LRRFIP1: variants seen among roughly 807,000 people sequenced by gnomAD.
LRRFIP1 encodes LRR binding FLII interacting protein 1.
Under a neutral mutation model 104.4 loss-of-function variants are expected in LRRFIP1, and 62 were observed. That is an observed-to-expected ratio of 0.59 (90% confidence interval 0.48 to 0.73). The LOEUF is 0.73. Among genes scored for constraint, LRRFIP1 ranks in the 30% least tolerant of loss-of-function variants. LRRFIP1 has a pLI of 0.00. For synonymous variants in LRRFIP1, 300 were observed against 299.0 expected, an observed-to-expected ratio of 1.00 and a Z score of -0.03; for missense variants, 796 against 824.5, an observed-to-expected ratio of 0.97 and a Z score of 0.42.
intron 15 of LRRFIP1, 101 bp downstream of exon 15, chr2:237,753,580 G>C: frequency 1.0e-6 from 1 of 989,408 alleles, no homozygotes; most frequent in Non-Finnish European, 1.4e-6. Flanking sequence ...AGGATTACTT[G>C]AGCCCAAGAG....
At chr2:237,759,440 A>T (rs1215701998) in intron 18 of LRRFIP1, among the ~76,000 whole-genome samples, 1 of 152,146 alleles carries the variant, frequency 6.6e-6, no homozygotes, top group Non-Finnish European at 1.5e-5. Flanking sequence ...TAGAGCTAAG[A>T]TTCGTAATTC....
chr2:237,635,843 A>G lies in LRRFIP1; in HGVS notation c.96+8103A>G, dbSNP rs550554317. Among the ~76,000 whole-genome samples the G allele has an allele frequency of 3.3e-5, 5 of 152,212 alleles. No homozygotes were observed. In the East Asian group the frequency reaches 5.8e-4, roughly 18 times the overall value. On this transcript the variant is annotated intron_variant, in intron 1 of 23. Transcript: ENST00000308482. Reference sequence around the variant, plus strand: ...AGTGGGTGTGGTGGCTCATACCTGTAATTCCAACAATTTGGGAGGGCAGTG... The same window carrying G: ...AGTGGGTGTGGTGGCTCATACCTGTGATTCCAACAATTTGGGAGGGCAGTG...
intron 11 of LRRFIP1, among the ~76,000 whole-genome samples, chr2:237,740,158 C>G (rs760150607): frequency 4.0e-5 from 6 of 151,692 alleles, no homozygotes; most frequent in Non-Finnish European, 8.8e-5. Context: ...GTAATCCCAG[C>G]GTCATGGGAG....
chr2:237,738,385 A>C (rs2095316116), intron 10 of LRRFIP1, among the ~76,000 whole-genome samples: 1 of 152,168 alleles, frequency 6.6e-6, no homozygotes, highest in Non-Finnish European at 1.5e-5. Context: ...TGCCCAGCAC[A>C]GTGCAGGGTG....
At chr2:237,724,659 C>G (rs962987379) in intron 7 of LRRFIP1, among the ~76,000 whole-genome samples, 1 of 152,194 alleles carries the variant, frequency 6.6e-6, no homozygotes, top group Non-Finnish European at 1.5e-5. Flanking sequence ...TCCAGCAACT[C>G]TCCTGTTCTT....
chr2:237,755,616 A>G (rs527971129), intron 15 of LRRFIP1, among the ~76,000 whole-genome samples: 18 of 152,246 alleles, frequency 1.2e-4, no homozygotes, highest in Admixed American at 2.0e-4. Flanking sequence ...TATAAAGTCC[A>G]GAGGAATCTG....
At chr2:237,740,510 G>A (rs2095383456) in intron 11 of LRRFIP1, among the ~76,000 whole-genome samples, 1 of 152,112 alleles carries the variant, frequency 6.6e-6, no homozygotes, top group Admixed American at 6.5e-5. Context: ...TCAGCGTGCT[G>A]ATCCCTACAA....
rs927921052 is a variant in LRRFIP1, at chr2:237,703,642, G to T, written c.97-4902G>T. 2.7e-4 allele frequency among the ~76,000 whole-genome samples: 41 copies of T among 151,866 alleles called. No homozygotes were observed. The highest frequency in any genetic ancestry group is 8.7e-4 in the African/African-American group (36 of 41,312). ...TGCCTTCCCCAGCCCCCCGGGGTTG[G>T]GTCAAGTTCTCCAGAGCAGCCCCCG... On this transcript the variant is annotated intron_variant, in intron 1 of 23. Coordinates refer to ENST00000308482, the MANE Select transcript of LRRFIP1 (RefSeq NM_001137550.2). The surrounding 1 kb of genome is among the most constrained non-coding windows in gnomAD (Gnocchi z 4.3).
chr2:237,664,434 G>A (rs1326573016), intron 1 of LRRFIP1, among the ~76,000 whole-genome samples: 2 of 152,214 alleles, frequency 1.3e-5, no homozygotes, highest in Non-Finnish European at 2.9e-5. Flanking sequence ...GTGTGGCAGT[G>A]TGTTCAGCTG....
rs1370816908 is a variant in LRRFIP1 at position 237,719,530 on chromosome 2, G to A, written c.257G>A (p.Ser86Asn). 6.2e-6 allele frequency: 10 copies of A among 1,613,228 alleles called. No individual in the cohort carries two copies. The African/African-American group carries it at 9.3e-5, about 15-fold the overall frequency. The stretch of plus-strand genomic sequence containing the variant: ...CTGTTTCTTCATTGTTAGGAAGACA[G>A]TGAGCGCTACTCTCGTAGATCCAGA... ...WGDIEQWMED[S>N]ERYSRRSRRN... The change falls in exon 5 of 24, where the codon AGT (serine) becomes AAT (asparagine). Residue 86 changes from serine to asparagine, a missense_variant. Coordinates refer to ENST00000308482, the MANE Select transcript of LRRFIP1 (RefSeq NM_001137550.2).
At chr2:237,726,020 C>G (rs760674426) in intron 7 of LRRFIP1, among the ~76,000 whole-genome samples, 1 of 152,152 alleles carries the variant, frequency 6.6e-6, no homozygotes, top group Non-Finnish European at 1.5e-5. Flanking sequence ...AATCTAGTTT[C>G]TGAAGACATA....
At chr2:237,665,072 A>T (rs902609903) in intron 1 of LRRFIP1, among the ~76,000 whole-genome samples, 7 of 152,208 alleles carry the variant, frequency 4.6e-5, no homozygotes, top group Admixed American at 1.3e-4. Flanking sequence ...TTATAATTTT[A>T]CTTATTCATG....
chr2:237,660,733 G>A (rs2149460828), intron 1 of LRRFIP1, among the ~76,000 whole-genome samples: 1 of 152,318 alleles, frequency 6.6e-6, no homozygotes, highest in African/African-American at 2.4e-5. Flanking sequence ...AGTGCCACGA[G>A]CTCCTGTGCA....
intron 2 of LRRFIP1, among the ~76,000 whole-genome samples, chr2:237,709,439 A>G (rs919661599): frequency 2.6e-5 from 4 of 152,084 alleles, no homozygotes; most frequent in Admixed American, 2.0e-4. Context: ...TTTGTTAGAC[A>G]GAAGTAACCA....
In LRRFIP1 at chr2:237,766,905, T is replaced by C. The variant is rs1048230314; in HGVS notation, c.1460-3038T>C. The stretch of plus-strand genomic sequence containing the variant: ...AATGGTTGAGGCCGGGCACATTGGC[T>C]CATGCCTATAATCCCAGCACGTGGG... On this transcript the variant is annotated intron_variant, in intron 19 of 23. Transcript: ENST00000308482. This position sits in a 1 kb window ranked among gnomAD's most constrained non-coding sequence, Gnocchi z 4.8. Among the ~76,000 whole-genome samples, 1 of 152,226 alleles carries C rather than the reference T, an allele frequency of 6.6e-6. No individual in the cohort carries two copies. The highest frequency in any genetic ancestry group is 1.9e-4 in the East Asian group (1 of 5,206).
At chr2:237,677,836 T>C (rs1481027093) in intron 1 of LRRFIP1, among the ~76,000 whole-genome samples, 2 of 152,180 alleles carry the variant, frequency 1.3e-5, no homozygotes, top group Admixed American at 1.3e-4. Context: ...TCCCTCTGCC[T>C]TCCCCCAGAG....
chr2:237,762,139 A>T (rs1279945421), intron 19 of LRRFIP1, among the ~76,000 whole-genome samples: 1 of 152,180 alleles, frequency 6.6e-6, no homozygotes, highest in African/African-American at 2.4e-5. Flanking sequence ...TATTCTTTTT[A>T]AAAATTACTT....
chr2:237,772,515 G>A, intron 21 of LRRFIP1: 1 of 429,824 alleles, frequency 2.3e-6, no homozygotes, highest in Non-Finnish European at 4.1e-6. Flanking sequence ...AAAAATGAAA[G>A]GCTTTTTTCA....
intron 1 of LRRFIP1, among the ~76,000 whole-genome samples, chr2:237,647,122 CT>C (rs1443614069): frequency 6.6e-6 from 1 of 151,982 alleles, no homozygotes; most frequent in Non-Finnish European, 1.5e-5. Flanking sequence ...TTGAATTCTC[CT>C]TTCTCCAATG....
Sources: allele counts gnomAD v4.1 joint callset (sites outside exome capture counted in the v4.1 genomes callset), GRCh38; gene constraint gnomAD v4.1.1; non-coding constraint Gnocchi (gnomAD v3.1); transcripts MANE v1.5; gene names NCBI Gene and HGNC (gene_info 2026-07-23, HGNC 2026-07-21).